CCDC93: variants seen among roughly 807,000 people sequenced by gnomAD.
The protein encoded by CCDC93 is CCC complex scaffolding subunit CCDC93.
CCDC93 carries 61 observed loss-of-function variants against 108.2 expected under a neutral mutation model. The ratio of observed to expected loss-of-function variants is 0.56; its 90% CI spans 0.46 to 0.70. The LOEUF is 0.70. CCDC93 is among the 30% of genes least tolerant of loss of function. The probability of loss-of-function intolerance (pLI) is 0.00; values close to 1 mark genes in which losing one functional copy is unlikely to be tolerated. For missense variants in CCDC93, 685 were observed against 764.2 expected (o/e 0.90, Z 1.22); for synonymous variants, 276 against 260.4 (o/e 1.06, Z -0.58).
chr2:117,936,882 G>GA (rs929776238), intron 20 of CCDC93, 143 bp from the exon 21 acceptor site: 379 of 665,958 alleles, frequency 5.7e-4, no homozygotes, highest in Non-Finnish European at 6.4e-4. Context: ...AGTAACATAT[G>GA]AAAAAAAAAT....
intron 2 of CCDC93, 132 bp from the exon 3 acceptor site, chr2:118,006,948 G>A: frequency 1.6e-6 from 1 of 630,004 alleles, no homozygotes; most frequent in Non-Finnish European, 2.9e-6. Context: ...TTGAGAGAGA[G>A]AGTGTGTGTC....
intron 11 of CCDC93, among the ~76,000 whole-genome samples, chr2:117,969,418 G>C (rs1282728996): frequency 6.6e-6 from 1 of 152,224 alleles, no homozygotes; most frequent in Non-Finnish European, 1.5e-5. Flanking sequence ...AGAGGGTGCT[G>C]CTAAGCTGTG....
At chr2:117,975,760 C>T (rs4848477) in intron 8 of CCDC93, among the ~76,000 whole-genome samples, 148,148 of 152,320 alleles carry the variant, frequency 0.97, 72,182 homozygotes, top group Middle Eastern at 1. Context: ...ACTTTTGTTT[C>T]AGGGGTATTA....
chr2:117,973,838 G>A (rs757656086), intron 11 of CCDC93, 70 bp downstream of exon 11: 58 of 1,193,720 alleles, frequency 4.9e-5, no homozygotes, highest in Non-Finnish European at 6.8e-5. Context: ...GGGTAGTGGG[G>A]TAAGGAAGTG....
intron 16 of CCDC93, among the ~76,000 whole-genome samples, 172 bp from the exon 17 acceptor site, chr2:117,945,754 T>C (rs1678851218): frequency 6.6e-6 from 1 of 152,200 alleles, no homozygotes; most frequent in Admixed American, 6.5e-5. Context: ...TGCCCTTAGA[T>C]GAGCAGCAGA....
chr2:117,989,015 G>A (rs1258042242), intron 6 of CCDC93, among the ~76,000 whole-genome samples: 1 of 152,138 alleles, frequency 6.6e-6, no homozygotes, highest in Admixed American at 6.5e-5. Flanking sequence ...ATGGCTCCTG[G>A]GTTGTTTACT....
rs545054093 is a variant in CCDC93, at chr2:117,939,136, A to G, written c.1523-25T>C. On this transcript the variant is annotated intron_variant, in intron 19 of 23. Coordinates refer to ENST00000376300, the MANE Select transcript of CCDC93 (RefSeq NM_019044.5). ...ACTGTAAAAGTAAAGAAATCAGCAC[A>G]CGAATAAGAACAGGTATCAGAACAC... The G allele has an allele frequency of 1.4e-4, 196 of 1,433,266 alleles. 1 individual carries two copies. The highest frequency in any genetic ancestry group is 1.2e-3 in the South Asian group (102 of 86,116). The allele number at this position is 1,433,266 out of a possible 1,614,324, so 88.8% of individuals were successfully genotyped here.
At chr2:118,001,599 A>G (rs1442123905) in intron 3 of CCDC93, among the ~76,000 whole-genome samples, 1 of 152,062 alleles carries the variant, frequency 6.6e-6, no homozygotes, top group Non-Finnish European at 1.5e-5. Flanking sequence ...TTTCTCTAAC[A>G]CCTCGCCTCA....
intron 23 of CCDC93, among the ~76,000 whole-genome samples, chr2:117,929,225 C>A (rs887497198): frequency 3.9e-5 from 6 of 152,104 alleles, no homozygotes; most frequent in Non-Finnish European, 5.9e-5. Context: ...CTAACCTGCA[C>A]GTTGTGCACA....
chr2:117,951,783 G>C, intron 13 of CCDC93: 1 of 711,868 alleles, frequency 1.4e-6, no homozygotes, highest in Non-Finnish European at 1.8e-6. Flanking sequence ...GCAATCACAA[G>C]TGGGAAGTGA....
chr2:117,965,015 A>C (rs1276618097), intron 11 of CCDC93, among the ~76,000 whole-genome samples: 1 of 152,250 alleles, frequency 6.6e-6, no homozygotes, highest in Non-Finnish European at 1.5e-5. Flanking sequence ...AAGATAAAAA[A>C]TGAAATATTG....
intron 6 of CCDC93, among the ~76,000 whole-genome samples, chr2:117,993,176 C>A (rs1312435823): frequency 6.6e-6 from 1 of 152,076 alleles, no homozygotes; most frequent in Non-Finnish European, 1.5e-5. Context: ...GTGGGCGGAC[C>A]TCGAGGTCAG....
chr2:117,983,080 T>A (rs992737690), intron 7 of CCDC93, among the ~76,000 whole-genome samples: 14 of 152,198 alleles, frequency 9.2e-5, no homozygotes, highest in African/African-American at 3.4e-4. Flanking sequence ...AACACAAGTG[T>A]CTTCCATCCA....
At chr2:117,979,989 GA>G (rs1235176675) in intron 7 of CCDC93, among the ~76,000 whole-genome samples, 1 of 152,220 alleles carries the variant, frequency 6.6e-6, no homozygotes, top group Non-Finnish European at 1.5e-5. Context: ...GATCACAGTA[GA>G]AACAGCCAGG....
rs1029966473 is a variant in CCDC93, at chr2:117,916,640, G to A, written c.*3703C>T. The A allele has an allele frequency of 1.3e-5, 2 of 152,218 alleles. No homozygotes were observed. Among genetic ancestry groups the A allele is most frequent in the African/African-American group, 4.8e-5 (2 of 41,456 alleles). 9.4% of individuals were successfully genotyped at this position (152,218 alleles called of 1,614,324 possible). On this transcript the variant is annotated 3_prime_UTR_variant, in exon 24 of 24. Transcript: ENST00000376300. ...GACAAGCCCTTACTTTTGTTGCGCA[G>A]GGCCACTGGACATGGGCAGGCAATG...
chr2:117,975,521 G>A (rs1383373853), intron 8 of CCDC93, among the ~76,000 whole-genome samples: 2 of 152,140 alleles, frequency 1.3e-5, no homozygotes, highest in Non-Finnish European at 2.9e-5. Flanking sequence ...TTAAATTCAG[G>A]CCACACACAT....
At chr2:117,927,713 C>T (rs1295159195) in intron 23 of CCDC93, among the ~76,000 whole-genome samples, 1 of 152,060 alleles carries the variant, frequency 6.6e-6, no homozygotes, top group Non-Finnish European at 1.5e-5. Flanking sequence ...CAATGCCATC[C>T]CCATCAAGCT....
intron 22 of CCDC93, chr2:117,931,454 G>A (rs1260481036): frequency 4.5e-5 from 13 of 291,844 alleles, no homozygotes; most frequent in South Asian, 2.2e-4. Context: ...TCCCCCACCC[G>A]GCAGTGTCTG....
chr2:117,922,624 G>C lies in CCDC93; in HGVS notation c.1843-2228C>G, dbSNP rs538915310. The stretch of plus-strand genomic sequence containing the variant: ...CCGCTAAGGTGGCAAAAAACCATAT[G>C]GTAGACAACAATGTTGTGTTTTCCA... On this transcript the variant is annotated intron_variant, in intron 23 of 23. Transcript: ENST00000376300. 2.6e-3 allele frequency among the ~76,000 whole-genome samples: 392 copies of C among 152,192 alleles called. 2 individuals are homozygous for C. Among genetic ancestry groups the C allele is most frequent in the Middle Eastern group, 0.02 (6 of 294 alleles).
Sources: allele counts gnomAD v4.1 joint callset (sites outside exome capture counted in the v4.1 genomes callset), GRCh38; gene constraint gnomAD v4.1.1; transcripts MANE v1.5; gene names NCBI Gene and HGNC (gene_info 2026-07-23, HGNC 2026-07-21).